The following RPH3A variants were observed in gnomAD, a reference collection of about 807,000 sequenced individuals.
RPH3A encodes the protein rabphilin 3A.
RPH3A carries 48 observed loss-of-function variants against 102.2 expected under a neutral mutation model. That is an observed-to-expected ratio of 0.47 (90% CI 0.37 to 0.60). RPH3A has a LOEUF of 0.60. RPH3A is among the 20% of genes least tolerant of loss of function. The pLI is 0.00. For synonymous variants in RPH3A, 310 were observed against 324.3 expected (o/e 0.96, Z 0.47); for missense variants, 781 against 910.1 (o/e 0.86, Z 1.83).
intron 2 of RPH3A, among the ~76,000 whole-genome samples, chr12:112,823,115 AG>A (rs558884312): frequency 1.3e-5 from 2 of 152,208 alleles, no homozygotes; most frequent in South Asian, 4.1e-4. Flanking sequence ...CTGGGTGGGT[AG>A]GTATCTCTTT....
At chr12:112,866,477 G>GTA (rs1338275620) in intron 6 of RPH3A, among the ~76,000 whole-genome samples, 1 of 152,076 alleles carries the variant, frequency 6.6e-6, no homozygotes, top group Non-Finnish European at 1.5e-5. Flanking sequence ...TTAGAAAAAA[G>GTA]TATGTCAGTG....
Position 112,876,718 on chromosome 12 carries a change from A to G in RPH3A, c.1023A>G (p.Ala341=). Residue 341 remains alanine, a synonymous_variant, in exon 13 of 22, where the codon GCA becomes GCG. Coordinates refer to ENST00000389385, the MANE Select transcript of RPH3A (RefSeq NM_001143854.2). ...CAGGGGGAGTCGGGGGCTACCCAGC[A>G]GTTGGAGCCAGAGAGGACCGAATGA... ...ERTGGVGGYP[A]VGAREDRMSH... is the part of the protein sequence containing the mutation. 1.2e-6 allele frequency: 2 copies of G among 1,613,354 alleles called. No homozygotes were observed. The highest frequency in any genetic ancestry group is 1.7e-6 in the Non-Finnish European group (2 of 1,179,684).
At chr12:112,610,029 C>A (rs1306420612) in intron 1 of RPH3A, among the ~76,000 whole-genome samples, 2 of 152,168 alleles carry the variant, frequency 1.3e-5, no homozygotes, top group Non-Finnish European at 2.9e-5. Context: ...AGTGATCTGA[C>A]CGTGCCCTGC....
rs1431974440 is a variant in RPH3A at position 112,648,541 on chromosome 12, C to T, written c.-140+73222C>T. 3.9e-5 allele frequency among the ~76,000 whole-genome samples: 4 copies of T among 103,874 alleles called. No homozygotes were observed. The Admixed American group carries it at 5.6e-4, about 15-fold the overall frequency. 68.1% of individuals were successfully genotyped at this position (103,874 alleles called of 152,430 possible). A position where few individuals can be genotyped will look rare whatever the true frequency, so the allele number is the denominator to read the frequency against. On this transcript the variant is annotated intron_variant, in intron 1 of 21. Transcript: ENST00000543106. Reference sequence around the variant, plus strand: ...CTGAGCCCAGGAGTTTGAGACCAGCCTAGGCAACAGAGTGAAACCCCATCT... The same window carrying T: ...CTGAGCCCAGGAGTTTGAGACCAGCTTAGGCAACAGAGTGAAACCCCATCT...
chr12:112,692,042 A>G (rs545450665), intron 1 of RPH3A, among the ~76,000 whole-genome samples: 1 of 152,354 alleles, frequency 6.6e-6, no homozygotes, highest in East Asian at 1.9e-4. Context: ...ATGGAACCGG[A>G]GGGTACTATG....
intron 8 of RPH3A, 95 bp from the exon 9 acceptor site, chr12:112,869,664 A>C (rs1200640937): frequency 1.1e-5 from 12 of 1,132,170 alleles, no homozygotes; most frequent in Non-Finnish European, 1.4e-5. Context: ...ATTCTTAGGC[A>C]ATAGTCAATG....
intron 1 of RPH3A, among the ~76,000 whole-genome samples, chr12:112,628,568 C>CAAAAAAAA (rs771688201): frequency 1.1e-4 from 3 of 27,048 alleles, no homozygotes; most frequent in Non-Finnish European, 2.0e-4. Context: ...GTCTTTACCA[C>CAAAAAAAA]AAAAAAAAAA....
chr12:112,645,642 T>A (rs2039923829), intron 1 of RPH3A, among the ~76,000 whole-genome samples: 1 of 152,204 alleles, frequency 6.6e-6, no homozygotes, highest in Non-Finnish European at 1.5e-5. Flanking sequence ...CTACTCCATC[T>A]GGAGCTTGAA....
At chr12:112,715,864 A>G (rs7307039) in intron 1 of RPH3A, among the ~76,000 whole-genome samples, 33,416 of 152,124 alleles carry the variant, frequency 0.22, 4,088 homozygotes, top group South Asian at 0.35. Context: ...GCTGCTGGTT[A>G]CCCATTTTTG....
At chr12:112,715,429 C>G (rs1400869632) in intron 1 of RPH3A, among the ~76,000 whole-genome samples, 1 of 152,164 alleles carries the variant, frequency 6.6e-6, no homozygotes, top group African/African-American at 2.4e-5. Flanking sequence ...TCCTCTACCC[C>G]TCTCCACTCA....
intron 2 of RPH3A, among the ~76,000 whole-genome samples, chr12:112,827,843 C>A (rs750542783): frequency 1.3e-5 from 2 of 151,092 alleles, no homozygotes; most frequent in Non-Finnish European, 2.9e-5. Flanking sequence ...CACATGTATA[C>A]CTATGTAACA....
intron 1 of RPH3A, among the ~76,000 whole-genome samples, chr12:112,758,078 T>C (rs1405156289): frequency 2.0e-5 from 3 of 152,194 alleles, no homozygotes; most frequent in Non-Finnish European, 4.4e-5. Flanking sequence ...GGAGTTTTCC[T>C]GTTCCACCAA....
chr12:112,652,553 G>C (rs1414381498), intron 1 of RPH3A, among the ~76,000 whole-genome samples: 1 of 152,162 alleles, frequency 6.6e-6, no homozygotes, highest in Non-Finnish European at 1.5e-5. Flanking sequence ...GACTGGACTG[G>C]TGGCTGTTGA....
intron 1 of RPH3A, among the ~76,000 whole-genome samples, chr12:112,653,640 C>A (rs1198689654): frequency 6.6e-6 from 1 of 151,974 alleles, no homozygotes; most frequent in Non-Finnish European, 1.5e-5. Flanking sequence ...CTTAAAAAAA[C>A]CCTTTTATTT....
rs187622530 is a variant in RPH3A at position 112,678,775 on chromosome 12, C to T, written c.-140+103456C>T. Among the ~76,000 whole-genome samples, 629 of 152,186 alleles carry T rather than the reference C, an allele frequency of 4.1e-3. 12 individuals carry two copies. The highest frequency in any genetic ancestry group is 1.8e-3 in the Non-Finnish European group (120 of 68,012). ...AGGAGATGGGGACGGGACACAGCAT[C>T]GTCATAGCATTGTCATATGTCTTCC... On this transcript the variant is annotated intron_variant, in intron 1 of 21. Coordinates refer to the RPH3A transcript ENST00000543106.
chr12:112,715,591 ATT>A (rs2040508280), intron 1 of RPH3A, among the ~76,000 whole-genome samples: 1 of 152,182 alleles, frequency 6.6e-6, no homozygotes, highest in Non-Finnish European at 1.5e-5. Context: ...GAAGACTTTA[ATT>A]TGTATGTAAT....
intron 1 of RPH3A, among the ~76,000 whole-genome samples, chr12:112,662,216 T>A (rs1181431756): frequency 6.6e-6 from 1 of 152,180 alleles, no homozygotes; most frequent in Non-Finnish European, 1.5e-5. Context: ...ATGAAGCTCT[T>A]TATCTATTGT....
At chr12:112,853,844 A>G (rs2042366158) in intron 5 of RPH3A, among the ~76,000 whole-genome samples, 1 of 152,148 alleles carries the variant, frequency 6.6e-6, no homozygotes, top group Non-Finnish European at 1.5e-5. Context: ...AAAAAGATCA[A>G]AATAGAAGTT....
intron 20 of RPH3A, among the ~76,000 whole-genome samples, chr12:112,894,900 A>G: frequency 6.6e-6 from 1 of 152,184 alleles, no homozygotes; most frequent in East Asian, 1.9e-4. Flanking sequence ...GTTAACAAAA[A>G]ATTTATACAT....
Sources: allele counts gnomAD v4.1 joint callset (sites outside exome capture counted in the v4.1 genomes callset), GRCh38; gene constraint gnomAD v4.1.1; transcripts MANE v1.5; gene names NCBI Gene and HGNC (gene_info 2026-07-23, HGNC 2026-07-21).